Variants in CCDC102B observed in about 807,000 individuals in gnomAD.
The protein encoded by CCDC102B is coiled-coil domain-containing protein 102B.
CCDC102B carries 75 observed loss-of-function variants against 57.4 expected under a neutral mutation model. The ratio of observed to expected loss-of-function variants is 1.31; its 90% CI spans 1.08 to 1.58. The LOEUF (loss-of-function observed/expected upper bound fraction) is 1.58. Ranked by LOEUF, CCDC102B falls within the 40% of genes most tolerant of loss-of-function variation. The probability of loss-of-function intolerance (pLI) is 0.00; values close to 1 mark genes in which losing one functional copy is unlikely to be tolerated. For synonymous variants in CCDC102B, 206 were observed against 201.9 expected (o/e 1.02, Z -0.17); for missense variants, 636 against 582.6 (o/e 1.09, Z -0.94).
At chr18:69,052,554 T>C (rs1599908710) in intron 7 of CCDC102B, among the ~76,000 whole-genome samples, 1 of 152,004 alleles carries the variant, frequency 6.6e-6, no homozygotes, top group East Asian at 1.9e-4. Flanking sequence ...AATAGGGATA[T>C]AATCTGAAAA....
upstream of CCDC102B, among the ~76,000 whole-genome samples, chr18:68,796,418 G>A (rs1157244789): frequency 6.6e-6 from 1 of 152,118 alleles, no homozygotes; most frequent in Non-Finnish European, 1.5e-5. Context: ...ATAAGCTGAT[G>A]CCATATCTGT....
chr18:68,769,279 G>A (rs2034562716), intron 2 of CCDC102B, among the ~76,000 whole-genome samples: 1 of 150,690 alleles, frequency 6.6e-6, no homozygotes, highest in Admixed American at 6.6e-5. Flanking sequence ...AGATTGAATC[G>A]ATGGGTAAAT....
At chr18:68,884,711 CA>C (rs2039819300) in intron 5 of CCDC102B, among the ~76,000 whole-genome samples, 1 of 149,060 alleles carries the variant, frequency 6.7e-6, no homozygotes, top group African/African-American at 2.5e-5. Context: ...CCCATTTCAT[CA>C]CATTATATAT....
chr18:68,928,201 A>G (rs899295674), intron 6 of CCDC102B, among the ~76,000 whole-genome samples: 1 of 151,980 alleles, frequency 6.6e-6, no homozygotes, highest in African/African-American at 2.4e-5. Context: ...CATTTCAGTT[A>G]TTAAGTTACG....
At chr18:68,800,291 C>T (rs963447458) in intron 1 of CCDC102B, among the ~76,000 whole-genome samples, 38 of 152,058 alleles carry the variant, frequency 2.5e-4, no homozygotes, top group Non-Finnish European at 8.8e-5. Context: ...TGGCAGAAGT[C>T]GAGCAGAATG....
chr18:68,951,101 G>A (rs1204115201), intron 6 of CCDC102B, among the ~76,000 whole-genome samples: 1 of 152,144 alleles, frequency 6.6e-6, no homozygotes, highest in East Asian at 1.9e-4. Flanking sequence ...CATACACAGT[G>A]AGCTGCAAGA....
At chr18:68,858,803 G>A (rs1285143288) in intron 4 of CCDC102B, 2 of 152,138 alleles carry the variant, frequency 1.3e-5, no homozygotes, top group Non-Finnish European at 2.9e-5. Flanking sequence ...TAAGGAGATG[G>A]CTTTCAGATC....
chr18:68,927,003 A>G (rs1044846828), intron 6 of CCDC102B, among the ~76,000 whole-genome samples: 1 of 152,032 alleles, frequency 6.6e-6, no homozygotes, highest in African/African-American at 2.4e-5. Flanking sequence ...AATATCTTAT[A>G]CAAAGCCTAT....
intron 3 of CCDC102B, 148 bp downstream of exon 3, chr18:68,839,074 A>G (rs989505645): frequency 7.3e-6 from 5 of 687,916 alleles, no homozygotes; most frequent in African/African-American, 1.8e-5. Context: ...TTTGATATAT[A>G]TTCATATGTT....
intron 1 of CCDC102B, among the ~76,000 whole-genome samples, chr18:68,832,489 T>TTTG (rs935078088): frequency 6.6e-6 from 1 of 152,062 alleles, no homozygotes; most frequent in Non-Finnish European, 1.5e-5. Context: ...CCCACTTTAT[T>TTTG]TTGTTGTTGT....
intron 4 of CCDC102B, among the ~76,000 whole-genome samples, chr18:68,850,072 T>C (rs764763186): frequency 2.1e-4 from 32 of 152,128 alleles, no homozygotes; most frequent in Admixed American, 5.2e-4. Flanking sequence ...CAATACATAA[T>C]TGCAAGGCAT....
chr18:68,806,261 T>A (rs1182710104), intron 1 of CCDC102B, among the ~76,000 whole-genome samples: 1 of 152,176 alleles, frequency 6.6e-6, no homozygotes, highest in Non-Finnish European at 1.5e-5. Context: ...TAATGGGATG[T>A]CTCAAAGCTT....
intron 6 of CCDC102B, among the ~76,000 whole-genome samples, chr18:69,009,433 C>G (rs1427843355): frequency 6.6e-6 from 1 of 152,092 alleles, no homozygotes. Context: ...TCTACAATAT[C>G]TATAATTTTG....
chr18:68,810,958 C>T (rs1418552589), intron 1 of CCDC102B, among the ~76,000 whole-genome samples: 1 of 152,068 alleles, frequency 6.6e-6, no homozygotes, highest in East Asian at 1.9e-4. Context: ...GTTTGGTTTT[C>T]TGTTCCTGTG....
At chr18:68,963,831 G>A (rs985549113) in intron 6 of CCDC102B, among the ~76,000 whole-genome samples, 8 of 151,678 alleles carry the variant, frequency 5.3e-5, no homozygotes, top group Middle Eastern at 3.2e-3. Flanking sequence ...ATGTATGTAT[G>A]CATGCATGTA....
rs373901358 is a variant in CCDC102B, at chr18:68,911,707, G to C, written c.1263+14279G>C. 6.7e-3 allele frequency among the ~76,000 whole-genome samples: 790 copies of C among 118,282 alleles called. 2 individuals carry two copies. The highest frequency in any genetic ancestry group is 8.8e-3 in the Non-Finnish European group (537 of 61,322). 77.6% of individuals were successfully genotyped at this position (118,282 alleles called of 152,430 possible). On this transcript the variant is annotated intron_variant, in intron 6 of 7. Transcript: ENST00000360242. ...GCGGAGCTTGCAGTGAGCCGAGATC[G>C]CGCCACTGCACTCCAGCCTGGGCGA...
intron 6 of CCDC102B, among the ~76,000 whole-genome samples, chr18:68,915,307 A>G (rs993313525): frequency 3.9e-5 from 6 of 152,212 alleles, no homozygotes; most frequent in Non-Finnish European, 1.5e-5. Context: ...ATATGGACAC[A>G]TGATTAACTG....
At chr18:68,739,916 C>T (rs1415466890) in intron 2 of CCDC102B, among the ~76,000 whole-genome samples, 2 of 152,180 alleles carry the variant, frequency 1.3e-5, no homozygotes, top group Non-Finnish European at 2.9e-5. Flanking sequence ...TCTGAAAAAG[C>T]AACTTGTGTC....
At chr18:68,911,411 A>C (rs1464952005) in intron 6 of CCDC102B, among the ~76,000 whole-genome samples, 1 of 152,116 alleles carries the variant, frequency 6.6e-6, no homozygotes, top group East Asian at 1.9e-4. Context: ...ATATGGAAGA[A>C]CAACAGACAC....
Sources: allele counts gnomAD v4.1 joint callset (sites outside exome capture counted in the v4.1 genomes callset), GRCh38; gene constraint gnomAD v4.1.1; transcripts MANE v1.5; gene names NCBI Gene and HGNC (gene_info 2026-07-23, HGNC 2026-07-21).